Variants in FBXL2 observed in about 807,000 individuals in gnomAD.
FBXL2 encodes the protein F-box/LRR-repeat protein 2.
Under a neutral mutation model 69.2 loss-of-function variants are expected in FBXL2, and 38 were observed. The observed-to-expected ratio is 0.55, with a 90% CI of 0.42 to 0.72. The LOEUF is 0.72. FBXL2 is among the 30% of genes least tolerant of loss of function. FBXL2 has a pLI of 0.00. For synonymous variants in FBXL2, 192 were observed against 201.3 expected (o/e 0.95, Z 0.39); for missense variants, 354 against 520.3 (o/e 0.68, Z 3.11).
rs1268533942 is a variant in FBXL2 at position 33,402,757 on chromosome 3, G to A, written n.1215-477G>A. 3 of 1,366,736 alleles carry A rather than the reference G, an allele frequency of 2.2e-6. No individual in the cohort carries two copies. The Admixed American group carries it at 8.8e-5, about 40-fold the overall frequency. 84.7% of individuals were successfully genotyped at this position (1,366,736 alleles called of 1,614,324 possible). ...GAGAGATGGGGAAATGAAGGCACAT[G>A]AGCATTAGTTAGCTGCAGGCACACG... On this transcript the variant is annotated intron_variant and non_coding_transcript_variant, in intron 12 of 12. Coordinates refer to the FBXL2 transcript ENST00000463736.
intron 2 of FBXL2, among the ~76,000 whole-genome samples, chr3:33,350,504 C>G (rs2040756113): frequency 1.3e-5 from 2 of 151,740 alleles, no homozygotes; most frequent in Admixed American, 6.6e-5. Context: ...GCAGTCTCTG[C>G]TCACTGCAAC....
intron 1 of FBXL2, among the ~76,000 whole-genome samples, chr3:33,287,661 T>C (rs2034787803): frequency 6.6e-6 from 1 of 152,158 alleles, no homozygotes; most frequent in Non-Finnish European, 1.5e-5. Flanking sequence ...ATTATTCCCA[T>C]TTAATAGGGC....
chr3:33,326,774 G>A (rs2038732150), intron 2 of FBXL2, among the ~76,000 whole-genome samples: 1 of 152,170 alleles, frequency 6.6e-6, no homozygotes, highest in African/African-American at 2.4e-5. Flanking sequence ...CAAAAGAATT[G>A]AGGCTGTAGT....
intron 13 of FBXL2, chr3:33,383,181 TCATCATTG>T (rs1291894061): frequency 1.3e-5 from 2 of 152,286 alleles, no homozygotes; most frequent in Non-Finnish European, 2.9e-5. Context: ...ATACTTTTAC[TCATCATTG>T]CACACGTGGG....
chr3:33,278,044 C>T (rs1004213049), intron 1 of FBXL2: 1 of 152,116 alleles, frequency 6.6e-6, no homozygotes, highest in East Asian at 1.9e-4. Context: ...GAGACCCCTC[C>T]CCTCCTTTCT....
chr3:33,397,935 T>C (rs1016879797), intron 12 of FBXL2: 4 of 152,170 alleles, frequency 2.6e-5, no homozygotes, highest in Non-Finnish European at 5.9e-5. Flanking sequence ...ATACACACCA[T>C]GAACTACTAT....
chr3:33,287,028 C>T (rs1042991334), intron 1 of FBXL2, among the ~76,000 whole-genome samples: 3 of 152,138 alleles, frequency 2.0e-5, no homozygotes, highest in Middle Eastern at 3.2e-3. Flanking sequence ...GCTGCACCCA[C>T]GGTCCGACAA....
At chr3:33,320,938 A>G (rs2038150321) in intron 2 of FBXL2, among the ~76,000 whole-genome samples, 1 of 152,214 alleles carries the variant, frequency 6.6e-6, no homozygotes, top group Non-Finnish European at 1.5e-5. Context: ...ACATAAAACC[A>G]ACATATTCTT....
chr3:33,383,323 GA>G (rs1465447011), intron 13 of FBXL2: 1 of 152,842 alleles, frequency 6.5e-6, no homozygotes, highest in African/African-American at 2.4e-5. Flanking sequence ...TGCACTGGGG[GA>G]AACTGTCAGG....
intron 2 of FBXL2, among the ~76,000 whole-genome samples, chr3:33,306,532 A>G (rs2036734100): frequency 6.6e-6 from 1 of 152,130 alleles, no homozygotes; most frequent in Non-Finnish European, 1.5e-5. Context: ...AAAAAATTGT[A>G]AATCTTTGAA....
intron 2 of FBXL2, among the ~76,000 whole-genome samples, chr3:33,315,187 C>G (rs1170996715): frequency 1.3e-5 from 2 of 151,652 alleles, no homozygotes. Context: ...TTCATTCTTT[C>G]CTTTCTTTTC....
At chr3:33,359,769 T>C (rs2154041448) in intron 4 of FBXL2, among the ~76,000 whole-genome samples, 1 of 152,152 alleles carries the variant, frequency 6.6e-6, no homozygotes, top group East Asian at 1.9e-4. Flanking sequence ...ATCTAAAGTG[T>C]CACCCTAGCT....
chr3:33,412,676 C>T, the FBXL2 span: 3 of 1,256,212 alleles, frequency 2.4e-6, no homozygotes, highest in East Asian at 6.9e-5. Flanking sequence ...CTGGCTATAG[C>T]TAAACAATAC....
chr3:33,419,827 G>A, the FBXL2 span, among the ~76,000 whole-genome samples: 1 of 152,184 alleles, frequency 6.6e-6, no homozygotes, highest in Non-Finnish European at 1.5e-5. Flanking sequence ...AGTCTAGGTT[G>A]TAACTGAAAT....
chr3:33,397,775 G>A (rs1476463139), intron 12 of FBXL2: 1 of 152,040 alleles, frequency 6.6e-6, no homozygotes, highest in Admixed American at 6.6e-5. Flanking sequence ...TCATTTACAA[G>A]TGTAAATGTC....
At chr3:33,358,835 GT>G in intron 2 of FBXL2, 131 bp from the exon 3 acceptor site, 1 of 509,506 alleles carries the variant, frequency 2.0e-6, no homozygotes, top group Non-Finnish European at 3.5e-6. Context: ...TAGTGCACTT[GT>G]ATATTTCAGA....
chr3:33,405,886 C>T (rs923403604), downstream of FBXL2, among the ~76,000 whole-genome samples: 2 of 152,152 alleles, frequency 1.3e-5, no homozygotes, highest in East Asian at 1.9e-4. Context: ...GGGCTTAAAA[C>T]GCTTGTCTGA....
rs1037658703 is a variant in FBXL2, at chr3:33,373,639, G to A, written c.517G>A (p.Gly173Ser). 6.2e-6 allele frequency: 10 copies of A among 1,614,104 alleles called. No individual in the cohort carries two copies. The highest frequency in any genetic ancestry group is 8.5e-6 in the Non-Finnish European group (10 of 1,180,042). Reference sequence around the variant, plus strand: ...TTGGTGTGATCAGATCACGAAGGATGGCATCGAGGCACTGGTGCGAGGTTG... The same window carrying A: ...TTGGTGTGATCAGATCACGAAGGATAGCATCGAGGCACTGGTGCGAGGTTG... ...LSWCDQITKD[G>S]IEALVRGCRG... The change falls in exon 8 of 15, where the codon GGC becomes AGC. Residue 173 changes from glycine to serine, a missense_variant. Physicochemically the swap from Gly to Ser is moderately conservative, Grantham distance 56. Coordinates refer to ENST00000484457, the MANE Select transcript of FBXL2 (RefSeq NM_012157.5).
chr3:33,313,346 T>G (rs1188889570), intron 2 of FBXL2, among the ~76,000 whole-genome samples: 1 of 152,090 alleles, frequency 6.6e-6, no homozygotes, highest in East Asian at 1.9e-4. Context: ...ACATAACCTT[T>G]CCTTCCAAAA....
Sources: allele counts gnomAD v4.1 joint callset (sites outside exome capture counted in the v4.1 genomes callset), GRCh38; gene constraint gnomAD v4.1.1; transcripts MANE v1.5; gene names NCBI Gene and HGNC (gene_info 2026-07-23, HGNC 2026-07-21).